The following RORB variants were observed in gnomAD, a reference collection of about 807,000 sequenced individuals.
RORB encodes the protein RAR related orphan receptor B, also known as nuclear receptor ROR-beta.
A neutral mutation model predicts 59.1 loss-of-function variants in RORB; 6 were observed. That is an observed-to-expected ratio of 0.10 (90% CI 0.06 to 0.20). The LOEUF is 0.20. Among genes scored for constraint, RORB ranks in the 10% least tolerant of loss-of-function variants. RORB has a pLI of 1.00. For synonymous variants in RORB, 215 were observed against 204.5 expected, an observed-to-expected ratio of 1.05 and a Z score of -0.44; for missense variants, 320 against 560.5, an observed-to-expected ratio of 0.57 and a Z score of 4.33.
intron 1 of RORB, among the ~76,000 whole-genome samples, chr9:74,504,539 G>T (rs970223349): frequency 6.6e-6 from 1 of 151,940 alleles, no homozygotes; most frequent in Non-Finnish European, 1.5e-5. Flanking sequence ...TCACCTCTGG[G>T]TAGTAAATAT....
At chr9:74,651,217 T>TC (rs1309722374) in intron 4 of RORB, among the ~76,000 whole-genome samples, 1 of 152,030 alleles carries the variant, frequency 6.6e-6, no homozygotes, top group Admixed American at 6.6e-5. Flanking sequence ...GCAAGGCTTC[T>TC]CCCCCATGCG....
chr9:74,546,997 G>T (rs1402037383), intron 1 of RORB, among the ~76,000 whole-genome samples: 1 of 152,126 alleles, frequency 6.6e-6, no homozygotes, highest in Non-Finnish European at 1.5e-5. Context: ...GGGAGGCTGA[G>T]GCAGGAGAAT....
chr9:74,577,570 T>C (rs2118246362), intron 1 of RORB, among the ~76,000 whole-genome samples: 1 of 152,196 alleles, frequency 6.6e-6, no homozygotes, highest in South Asian at 2.1e-4. Context: ...GAATGATAGA[T>C]GGCTCCAAAA....
At chr9:74,608,294 G>A (rs960566172) in intron 1 of RORB, among the ~76,000 whole-genome samples, 3 of 152,022 alleles carry the variant, frequency 2.0e-5, no homozygotes, top group South Asian at 2.1e-4. Context: ...GGCCGGGAGC[G>A]GTGGCTCACG....
chr9:74,674,452 C>G (rs2118554322), intron 9 of RORB, among the ~76,000 whole-genome samples: 1 of 152,250 alleles, frequency 6.6e-6, no homozygotes, highest in African/African-American at 2.4e-5. Context: ...GTGTCGTGTG[C>G]AAAAGATTAT....
At chr9:74,681,166 A>G (rs1418152407) in intron 9 of RORB, among the ~76,000 whole-genome samples, 1 of 152,176 alleles carries the variant, frequency 6.6e-6, no homozygotes, top group Non-Finnish European at 1.5e-5. Flanking sequence ...CTCCATCTCC[A>G]AGTGCTTCTG....
At chr9:74,676,668 G>A (rs1001069220) in intron 9 of RORB, among the ~76,000 whole-genome samples, 1 of 152,228 alleles carries the variant, frequency 6.6e-6, no homozygotes, top group African/African-American at 2.4e-5. Flanking sequence ...CTAGGATGTA[G>A]AGGAGTCTAT....
At chr9:74,519,122 T>C (rs1290399348) in intron 1 of RORB, among the ~76,000 whole-genome samples, 1 of 151,962 alleles carries the variant, frequency 6.6e-6, no homozygotes, top group Non-Finnish European at 1.5e-5. Context: ...CCTATTTTCA[T>C]AGGAATATGA....
chr9:74,618,367 T>C (rs1823347402), intron 1 of RORB, among the ~76,000 whole-genome samples: 1 of 152,160 alleles, frequency 6.6e-6, no homozygotes, highest in Non-Finnish European at 1.5e-5. Flanking sequence ...AACATTCTAA[T>C]CTTACATGGA....
At chr9:74,651,108 T>A (rs1823982580) in intron 4 of RORB, among the ~76,000 whole-genome samples, 1 of 152,168 alleles carries the variant, frequency 6.6e-6, no homozygotes, top group South Asian at 2.1e-4. Flanking sequence ...AAAGGAAGAT[T>A]TTCCATGGCC....
intron 1 of RORB, among the ~76,000 whole-genome samples, chr9:74,605,801 T>C (rs929627353): frequency 6.6e-6 from 1 of 152,210 alleles, no homozygotes; most frequent in African/African-American, 2.4e-5. Flanking sequence ...TCCACATTAT[T>C]AATTATGTAA....
chr9:74,625,229 A>G (rs1471364403), intron 1 of RORB, among the ~76,000 whole-genome samples: 3 of 152,134 alleles, frequency 2.0e-5, no homozygotes, highest in Admixed American at 1.3e-4. Context: ...TTAATTGCCA[A>G]TGGGTGTCTC....
At chr9:74,680,922 T>C (rs1824537831) in intron 9 of RORB, among the ~76,000 whole-genome samples, 1 of 152,084 alleles carries the variant, frequency 6.6e-6, no homozygotes, top group Non-Finnish European at 1.5e-5. Context: ...GTGAATTTTC[T>C]CATAAAACCG....
chr9:74,677,988 C>T (rs1012827390), intron 9 of RORB, among the ~76,000 whole-genome samples: 6 of 152,132 alleles, frequency 3.9e-5, no homozygotes, highest in African/African-American at 1.4e-4. Flanking sequence ...TCAAGTGCCT[C>T]ACTGACTACA....
chr9:74,647,331 T>C (rs1488864529), intron 4 of RORB, among the ~76,000 whole-genome samples: 1 of 152,214 alleles, frequency 6.6e-6, no homozygotes, highest in Non-Finnish European at 1.5e-5. Context: ...GCAGGACTAA[T>C]ACTCTTAATG....
At chr9:74,573,631 C>T (rs1249844458) in intron 1 of RORB, among the ~76,000 whole-genome samples, 2 of 152,088 alleles carry the variant, frequency 1.3e-5, no homozygotes, top group African/African-American at 4.8e-5. Context: ...GGACAAAGCA[C>T]TTGGCCAGAA....
intron 1 of RORB, among the ~76,000 whole-genome samples, chr9:74,577,452 C>T (rs1039031953): frequency 2.0e-5 from 3 of 152,040 alleles, no homozygotes; most frequent in Non-Finnish European, 2.9e-5. Flanking sequence ...CACTGTCAGG[C>T]ATCACAGTAC....
At chr9:74,557,506 A>C (rs1277086262) in intron 1 of RORB, among the ~76,000 whole-genome samples, 3 of 152,136 alleles carry the variant, frequency 2.0e-5, no homozygotes, top group Non-Finnish European at 4.4e-5. Context: ...AAATTCTTTA[A>C]TTGTTTCAGC....
chr9:74,672,010 T>C, intron 9 of RORB, 109 bp downstream of exon 9: 1 of 607,598 alleles, frequency 1.6e-6, no homozygotes, highest in Non-Finnish European at 2.9e-6. Flanking sequence ...TTCTGAAAGT[T>C]ACCAAAGACT....
Sources: allele counts gnomAD v4.1 joint callset (sites outside exome capture counted in the v4.1 genomes callset), GRCh38; gene constraint gnomAD v4.1.1; transcripts MANE v1.5; gene names NCBI Gene and HGNC (gene_info 2026-07-23, HGNC 2026-07-21).